LRP1B: variants seen among roughly 807,000 people sequenced by gnomAD.
LRP1B encodes the protein LDL receptor related protein 1B, also known as low-density lipoprotein receptor-related protein 1B.
In LRP1B, 217 loss-of-function variants were observed where a neutral mutation model predicts 556.6. The observed-to-expected ratio is 0.39, with a 90% CI of 0.35 to 0.44. The LOEUF (loss-of-function observed/expected upper bound fraction) is 0.44. Ranked by LOEUF, LRP1B falls within the 20% of genes least tolerant of loss-of-function variation. The pLI, the probability that LRP1B is intolerant of heterozygous loss-of-function variation, is 1.00. For synonymous variants in LRP1B, 2,047 were observed against 1,865.8 expected (o/e 1.10, Z -2.50); for missense variants, 5,053 against 5,620.8 (o/e 0.90, Z 3.23).
chr2:141,414,438 G>A (rs1488077032), intron 3 of LRP1B, among the ~76,000 whole-genome samples: 1 of 151,860 alleles, frequency 6.6e-6, no homozygotes, highest in Non-Finnish European at 1.5e-5. Flanking sequence ...GCCTCTTACT[G>A]TGATCTTACA....
At chr2:141,467,786 A>G (rs2105060726) in intron 3 of LRP1B, among the ~76,000 whole-genome samples, 1 of 140,106 alleles carries the variant, frequency 7.1e-6, no homozygotes, top group South Asian at 2.4e-4. Flanking sequence ...TATTCCTGAC[A>G]AAAAGCACAC....
intron 62 of LRP1B, among the ~76,000 whole-genome samples, chr2:140,452,067 A>G (rs1266440133): frequency 1.3e-5 from 2 of 152,150 alleles, no homozygotes; most frequent in African/African-American, 4.8e-5. Context: ...ATTTACTTAC[A>G]GGCTATTTAG....
At chr2:140,987,499 A>G (rs993473171) in intron 17 of LRP1B, among the ~76,000 whole-genome samples, 1 of 149,816 alleles carries the variant, frequency 6.7e-6, no homozygotes. Context: ...ACTACTATAA[A>G]TAGCTAGCCA....
At chr2:141,894,266 G>GA (rs1050085504) in intron 1 of LRP1B, among the ~76,000 whole-genome samples, 3 of 151,550 alleles carry the variant, frequency 2.0e-5, no homozygotes, top group Admixed American at 6.6e-5. Context: ...TTACTTACAT[G>GA]AAAAAAAATA....
intron 1 of LRP1B, among the ~76,000 whole-genome samples, chr2:141,911,407 G>A (rs1245919360): frequency 6.6e-6 from 1 of 152,180 alleles, no homozygotes; most frequent in Non-Finnish European, 1.5e-5. Flanking sequence ...TCAATAGGCT[G>A]ATAGCCTCCA....
At chr2:141,650,996 G>C (rs964718041) in intron 2 of LRP1B, among the ~76,000 whole-genome samples, 2 of 152,158 alleles carry the variant, frequency 1.3e-5, no homozygotes, top group Admixed American at 1.3e-4. Context: ...AACAGCCATT[G>C]AGTATACATT....
At chr2:141,027,672 G>A (rs1698251675) in intron 11 of LRP1B, among the ~76,000 whole-genome samples, 1 of 152,090 alleles carries the variant, frequency 6.6e-6, no homozygotes, top group Non-Finnish European at 1.5e-5. Flanking sequence ...TTTGCAAGAT[G>A]TTAGAAAAAG....
chr2:141,164,354 A>G (rs1250086927), intron 7 of LRP1B, among the ~76,000 whole-genome samples: 2 of 152,092 alleles, frequency 1.3e-5, no homozygotes, highest in African/African-American at 2.4e-5. Context: ...ATTTTCATCA[A>G]TGTCCATCAA....
chr2:141,653,263 G>A (rs1689867652), intron 2 of LRP1B, among the ~76,000 whole-genome samples: 1 of 152,168 alleles, frequency 6.6e-6, no homozygotes, highest in Admixed American at 6.6e-5. Context: ...CAATGCTGTA[G>A]TTTAGAGGAT....
At chr2:141,074,052 A>T (rs1295793030) in intron 7 of LRP1B, among the ~76,000 whole-genome samples, 1 of 152,088 alleles carries the variant, frequency 6.6e-6, no homozygotes, top group Admixed American at 6.6e-5. Context: ...TTACATTCCT[A>T]ACATTACCAA....
chr2:141,973,424 T>C (rs1235880699), intron 1 of LRP1B, among the ~76,000 whole-genome samples: 2 of 151,812 alleles, frequency 1.3e-5, no homozygotes, highest in East Asian at 1.9e-4. Context: ...ATATATCATA[T>C]GTATATGTAT....
rs534496354 is a variant in LRP1B at position 140,323,610 on chromosome 2, A to AAAAT, written c.12514+279_12514+282dup. Among the ~76,000 whole-genome samples the AAAAT allele has an allele frequency of 2.9e-3, 435 of 151,576 alleles. 2 individuals are homozygous for AAAAT. Among genetic ancestry groups the AAAAT allele is most frequent in the Middle Eastern group, 6.8e-3 (2 of 294 alleles). The stretch of plus-strand genomic sequence containing the variant: ...CTAAAACTTAAAGTATAATAATAAT[A>AAAAT]AAATAAAAGAATTTTAGAAACAGAA... On this transcript the variant is annotated intron_variant, in intron 81 of 90. Coordinates refer to ENST00000389484, the MANE Select transcript of LRP1B (RefSeq NM_018557.3).
At chr2:140,588,875 T>G (rs915327405) in intron 43 of LRP1B, among the ~76,000 whole-genome samples, 14 of 150,522 alleles carry the variant, frequency 9.3e-5, no homozygotes, top group Admixed American at 6.6e-5. Context: ...CAGGAGAATC[T>G]CTTGAACCCA....
chr2:141,319,715 G>T (rs1456981939), intron 3 of LRP1B, among the ~76,000 whole-genome samples: 4 of 152,038 alleles, frequency 2.6e-5, no homozygotes, highest in Non-Finnish European at 5.9e-5. Context: ...TAGTGTTCTT[G>T]ATCCATAGTC....
At chr2:140,590,470 G>A (rs1391524213) in intron 43 of LRP1B, among the ~76,000 whole-genome samples, 3 of 151,794 alleles carry the variant, frequency 2.0e-5, no homozygotes, top group Non-Finnish European at 2.9e-5. Flanking sequence ...TGTACTTGGA[G>A]ACATGACCAT....
At chr2:141,354,959 G>T (rs906433831) in intron 3 of LRP1B, among the ~76,000 whole-genome samples, 1 of 152,034 alleles carries the variant, frequency 6.6e-6, no homozygotes, top group African/African-American at 2.4e-5. Flanking sequence ...ATAGAAAAAT[G>T]TAACAGTTTG....
rs1174623813 is a variant in LRP1B at position 140,457,526 on chromosome 2, G to A, written c.9751C>T (p.Leu3251=). The A allele has an allele frequency of 3.1e-6, 5 of 1,613,722 alleles. No homozygotes were observed. In the Admixed American group the frequency reaches 5.0e-5, roughly 16 times the overall value. Residue 3251 remains leucine, a synonymous_variant, in exon 61 of 91, where the codon CTG becomes TTG. Transcript: ENST00000389484. ...GTGATGGCATGCCATGAGTAAATCA[G>A]TGAGAGTCTGTCTGCTCCCGATGTT... ...HKTSGADRLS[L]IYSWHAITDI...
chr2:141,017,215 TG>T (rs1697924834), intron 12 of LRP1B, among the ~76,000 whole-genome samples: 12 of 121,472 alleles, frequency 9.9e-5, no homozygotes, highest in Admixed American at 5.5e-4. Flanking sequence ...TGTAATTCTA[TG>T]TAGTTAGGTA....
intron 2 of LRP1B, among the ~76,000 whole-genome samples, chr2:141,784,862 A>G (rs987179195): frequency 1.3e-5 from 2 of 151,944 alleles, no homozygotes; most frequent in Non-Finnish European, 2.9e-5. Flanking sequence ...TTCTTGCCCA[A>G]TTTCTTTTAC....
Sources: allele counts gnomAD v4.1 joint callset (sites outside exome capture counted in the v4.1 genomes callset), GRCh38; gene constraint gnomAD v4.1.1; transcripts MANE v1.5; gene names NCBI Gene and HGNC (gene_info 2026-07-23, HGNC 2026-07-21).